The following CELF4 variants were observed in gnomAD, a reference collection of about 807,000 sequenced individuals.
CELF4 encodes the protein CUG-BP- and ETR-3-like factor 4.
In CELF4, 18 loss-of-function variants were observed where a neutral mutation model predicts 59.9. The ratio of observed to expected loss-of-function variants is 0.30; its 90% confidence interval spans 0.21 to 0.45. The LOEUF is 0.45. Among genes scored for constraint, CELF4 ranks in the 20% least tolerant of loss-of-function variants. The pLI is 1.00. For synonymous variants in CELF4, 261 were observed against 267.1 expected (o/e 0.98, Z 0.22); for missense variants, 456 against 689.0 (o/e 0.66, Z 3.79).
intron 2 of CELF4, among the ~76,000 whole-genome samples, chr18:37,410,727 G>A (rs747331604): frequency 1.3e-5 from 2 of 152,222 alleles, no homozygotes; most frequent in Admixed American, 6.5e-5. Flanking sequence ...CTTAGGGTGC[G>A]TGAGTCAGCC....
chr18:37,495,027 G>A (rs2099923556), intron 1 of CELF4, among the ~76,000 whole-genome samples: 1 of 152,228 alleles, frequency 6.6e-6, no homozygotes, highest in African/African-American at 2.4e-5. Context: ...GAGGTCTCTA[G>A]CTGAGCATCA....
At chr18:37,433,011 CCA>C (rs1603638926) in intron 2 of CELF4, among the ~76,000 whole-genome samples, 1 of 152,292 alleles carries the variant, frequency 6.6e-6, no homozygotes, top group South Asian at 2.1e-4. Flanking sequence ...AATCTTATTG[CCA>C]CACACACCTA....
At chr18:37,452,590 G>A (rs2099767148) in intron 2 of CELF4, among the ~76,000 whole-genome samples, 1 of 152,108 alleles carries the variant, frequency 6.6e-6, no homozygotes, top group Non-Finnish European at 1.5e-5. Context: ...TTCTGCTTGA[G>A]AGTCTGTGTC....
intron 2 of CELF4, among the ~76,000 whole-genome samples, chr18:37,345,077 G>A (rs1254861271): frequency 6.6e-6 from 1 of 152,156 alleles, no homozygotes; most frequent in Non-Finnish European, 1.5e-5. Context: ...TGTGGAGGCG[G>A]ACAGAAAAGT....
chr18:37,394,210 C>A (rs1353317269), intron 2 of CELF4, among the ~76,000 whole-genome samples: 1 of 152,174 alleles, frequency 6.6e-6, no homozygotes, highest in Admixed American at 6.5e-5. Flanking sequence ...CGGCAGCCGC[C>A]ACCTCCCACT....
At chr18:37,288,191 C>T (rs1356569242) in intron 3 of CELF4, among the ~76,000 whole-genome samples, 3 of 152,188 alleles carry the variant, frequency 2.0e-5, no homozygotes, top group African/African-American at 4.8e-5. Context: ...TTGACGTTTT[C>T]CTGAACCTAC....
chr18:37,544,655 A>AT (rs1177882007), intron 1 of CELF4, among the ~76,000 whole-genome samples: 1 of 152,198 alleles, frequency 6.6e-6, no homozygotes, highest in Non-Finnish European at 1.5e-5. Context: ...GAGGATGAGA[A>AT]TTTAAGAGTG....
rs559672498 is a variant in CELF4 at position 37,322,095 on chromosome 18, G to C, written c.370-214C>G. ...CCCATGGCCCCATTCTTTCAGGGGG[G>C]TGTCTCTGGACAGGAGACTTTGAGA... is the stretch of plus-strand genomic sequence containing the variant. On this transcript the variant is annotated intron_variant, in intron 2 of 12. Coordinates refer to ENST00000420428, the MANE Select transcript of CELF4 (RefSeq NM_020180.4). 1.9e-3 allele frequency among the ~76,000 whole-genome samples: 295 copies of C among 152,354 alleles called. 1 individual carries two copies. The highest frequency in any genetic ancestry group is 4.7e-3 in the Admixed American group (72 of 15,306).
intron 2 of CELF4, among the ~76,000 whole-genome samples, chr18:37,373,960 T>C (rs907819028): frequency 2.6e-5 from 4 of 152,198 alleles, no homozygotes; most frequent in African/African-American, 7.2e-5. Context: ...AATAATGATA[T>C]TGGGGAGTGA....
chr18:37,288,610 C>T (rs1366006620), intron 3 of CELF4, among the ~76,000 whole-genome samples: 1 of 152,200 alleles, frequency 6.6e-6, no homozygotes, highest in African/African-American at 2.4e-5. Context: ...TCTCATCTAA[C>T]ACGCAGAAGG....
intron 2 of CELF4, among the ~76,000 whole-genome samples, chr18:37,443,704 G>C (rs1044207536): frequency 6.6e-6 from 1 of 152,014 alleles, no homozygotes; most frequent in Non-Finnish European, 1.5e-5. Flanking sequence ...CTGATTCCTC[G>C]GCTCCCTCTC....
chr18:37,389,204 G>A (rs575705665), intron 2 of CELF4, among the ~76,000 whole-genome samples: 1 of 152,280 alleles, frequency 6.6e-6, no homozygotes, highest in South Asian at 2.1e-4. Flanking sequence ...CAGATGTGAC[G>A]AGATGGGGAC....
At chr18:37,255,995 G>A (rs935042291) in intron 11 of CELF4, among the ~76,000 whole-genome samples, 12 of 152,322 alleles carry the variant, frequency 7.9e-5, no homozygotes, top group African/African-American at 2.4e-4. Context: ...AAGCAGTCCA[G>A]GGTCAAGGGA....
chr18:37,442,269 A>G (rs138830579), intron 2 of CELF4, among the ~76,000 whole-genome samples: 169 of 152,290 alleles, frequency 1.1e-3, no homozygotes, highest in African/African-American at 3.8e-3. Flanking sequence ...GCCCACATTC[A>G]TCCACCTGCT....
At chr18:37,322,042 G>A (rs940542794) in intron 2 of CELF4, among the ~76,000 whole-genome samples, 161 bp from the exon 3 acceptor site, 2 of 152,244 alleles carry the variant, frequency 1.3e-5, no homozygotes, top group Non-Finnish European at 2.9e-5. Flanking sequence ...TCACCAAAGT[G>A]CTGCCCGTCT....
At chr18:37,492,133 A>G (rs954378568) in intron 1 of CELF4, among the ~76,000 whole-genome samples, 1 of 152,172 alleles carries the variant, frequency 6.6e-6, no homozygotes, top group Non-Finnish European at 1.5e-5. Flanking sequence ...GATTTTAATA[A>G]AACATCAGAT....
chr18:37,538,320 A>G (rs954358778), intron 1 of CELF4, among the ~76,000 whole-genome samples: 3 of 152,084 alleles, frequency 2.0e-5, no homozygotes, highest in Non-Finnish European at 4.4e-5. Flanking sequence ...AAGCTGTCCA[A>G]CCTCTCTGGA....
intron 2 of CELF4, among the ~76,000 whole-genome samples, chr18:37,453,093 CT>C (rs1239798522): frequency 1.3e-5 from 2 of 152,270 alleles, no homozygotes; most frequent in African/African-American, 2.4e-5. Context: ...TGGCCTCTGC[CT>C]TGCTTCCGGG....
chr18:37,364,388 C>T (rs988690233), intron 2 of CELF4, among the ~76,000 whole-genome samples: 1 of 152,228 alleles, frequency 6.6e-6, no homozygotes, highest in Admixed American at 6.5e-5. Flanking sequence ...GCCCCATTCC[C>T]AGCCTGGGCT....
Sources: gnomAD v4.1 joint callset for allele counts (sites outside exome capture counted in the v4.1 genomes callset) on GRCh38, gnomAD v4.1.1 for gene constraint, MANE v1.5 for transcripts, NCBI Gene and HGNC (gene_info 2026-07-23, HGNC 2026-07-21) for gene names.